ITGA2: variants seen among roughly 807,000 people sequenced by gnomAD.
The protein encoded by ITGA2 is integrin alpha-2.
Under a neutral mutation model 146.3 loss-of-function variants are expected in ITGA2, and 101 were observed. The observed-to-expected ratio is 0.69, with a 90% confidence interval of 0.59 to 0.81. ITGA2 has a LOEUF of 0.81. Ranked by LOEUF, ITGA2 falls within the 40% of genes least tolerant of loss-of-function variation. The pLI is 0.00. For synonymous variants in ITGA2, 477 were observed against 487.1 expected (o/e 0.98, Z 0.27); for missense variants, 1,281 against 1,402.7 (o/e 0.91, Z 1.39).
At position 53,022,331 on chromosome 5, in the gene ITGA2, T is replaced by C. The variant is rs531051690; in HGVS notation, c.65-4417T>C. On this transcript the variant is annotated intron_variant, in intron 1 of 29. Coordinates refer to ENST00000296585, the MANE Select transcript of ITGA2 (RefSeq NM_002203.4). ...TGATCCTCCTGTCTTAGACGGCCAT[T>C]GAGATTACACGTGTGAGCTGCCATG... Among the ~76,000 whole-genome samples the C allele has an allele frequency of 3.3e-5, 5 of 152,014 alleles. 1 individual carries two copies. In the South Asian group the frequency reaches 1.0e-3, roughly 32 times the overall value.
chr5:53,027,927 G>A (rs1541689), intron 2 of ITGA2, among the ~76,000 whole-genome samples: 133,069 of 152,046 alleles, frequency 0.88, 58,639 homozygotes, highest in Admixed American at 0.92. Context: ...TTAAAAACCT[G>A]AAAATCAGCT....
intron 13 of ITGA2, among the ~76,000 whole-genome samples, chr5:53,064,439 A>T (rs904890861): frequency 6.6e-6 from 1 of 152,104 alleles, no homozygotes; most frequent in Non-Finnish European, 1.5e-5. Flanking sequence ...TATAATTCTG[A>T]TCATAAATAG....
intron 20 of ITGA2, among the ~76,000 whole-genome samples, chr5:53,073,504 C>T (rs1242794831): frequency 1.3e-5 from 2 of 151,866 alleles, no homozygotes; most frequent in African/African-American, 2.4e-5. Context: ...CAGACACTCC[C>T]ATAACTCTTC....
chr5:53,062,940 A>T lies in ITGA2; in HGVS notation c.1602+11A>T, dbSNP rs1424997867. 15 of 1,602,324 alleles carry T rather than the reference A, an allele frequency of 9.4e-6. No individual in the cohort carries two copies. The highest frequency in any genetic ancestry group is 2.7e-5 in the African/African-American group (2 of 74,356). On this transcript the variant is annotated intron_variant, in intron 13 of 29. Coordinates refer to ENST00000296585, the MANE Select transcript of ITGA2 (RefSeq NM_002203.4). ...TTTACTATCAAAGAGGTAAAAAAAA[A>T]AAAATAAACTAATAGTTTAATTTGC... is the stretch of plus-strand genomic sequence containing the variant.
intron 4 of ITGA2, among the ~76,000 whole-genome samples, chr5:53,047,622 G>A (rs1272731321): frequency 1.3e-5 from 2 of 152,118 alleles, no homozygotes; most frequent in African/African-American, 2.4e-5. Context: ...TTGCCCTCTC[G>A]ACTCTCTTTT....
intron 1 of ITGA2, among the ~76,000 whole-genome samples, chr5:53,018,048 G>C (rs1268874987): frequency 6.6e-6 from 1 of 152,094 alleles, no homozygotes; most frequent in Non-Finnish European, 1.5e-5. Context: ...AAGCACTCTG[G>C]TTGGGCATCT....
intron 1 of ITGA2, among the ~76,000 whole-genome samples, chr5:53,013,289 G>A (rs970111261): frequency 4.6e-5 from 7 of 151,922 alleles, no homozygotes; most frequent in African/African-American, 1.7e-4. Flanking sequence ...GTGTAAGGAA[G>A]GGGTCCATTA....
intron 2 of ITGA2, among the ~76,000 whole-genome samples, chr5:53,028,154 C>T (rs1193743211): frequency 2.0e-5 from 3 of 152,150 alleles, no homozygotes; most frequent in Non-Finnish European, 4.4e-5. Flanking sequence ...ATTTGATACT[C>T]TAAACAATTG....
At chr5:52,991,587 A>G (rs747787939) in intron 1 of ITGA2, among the ~76,000 whole-genome samples, 8 of 152,208 alleles carry the variant, frequency 5.3e-5, no homozygotes, top group Non-Finnish European at 8.8e-5. Context: ...TGTTATGTAT[A>G]TACAATTGTA....
chr5:53,071,793 C>A, intron 17 of ITGA2, 145 bp from the exon 18 acceptor site: 1 of 699,686 alleles, frequency 1.4e-6, no homozygotes, highest in Non-Finnish European at 2.6e-6. Flanking sequence ...CTTGATTATT[C>A]ACAACAAAGA....
intron 11 of ITGA2, among the ~76,000 whole-genome samples, chr5:53,060,335 T>A (rs1032746676): frequency 1.5e-4 from 23 of 151,944 alleles, no homozygotes; most frequent in African/African-American, 5.6e-4. Flanking sequence ...GAGCTCTTAG[T>A]CTTCTTGTTC....
chr5:53,051,354 G>A lies in ITGA2; in HGVS notation c.631-57G>A. 3 of 1,565,668 alleles carry A rather than the reference G, an allele frequency of 1.9e-6. No individual in the cohort carries two copies. The South Asian group carries it at 3.3e-5, about 17-fold the overall frequency. The stretch of plus-strand genomic sequence containing the variant: ...TTTTGATTTTTATTTTATTGGTTAA[G>A]TAGAAATTATTTTTAATGTAATGAC... On this transcript the variant is annotated intron_variant, in intron 6 of 29. Transcript: ENST00000296585.
intron 1 of ITGA2, among the ~76,000 whole-genome samples, chr5:53,021,600 C>T (rs1742686877): frequency 6.6e-6 from 1 of 152,240 alleles, no homozygotes; most frequent in Non-Finnish European, 1.5e-5. Context: ...TAGTTGCTCA[C>T]TATCCTCTGC....
intron 1 of ITGA2, among the ~76,000 whole-genome samples, chr5:53,014,530 TG>T (rs1742309175): frequency 6.6e-6 from 1 of 152,312 alleles, no homozygotes; most frequent in African/African-American, 2.4e-5. Context: ...TTTGCATCTA[TG>T]TTCATCAGGG....
chr5:53,054,116 T>A (rs1037929772), intron 7 of ITGA2, among the ~76,000 whole-genome samples: 1 of 152,330 alleles, frequency 6.6e-6, no homozygotes, highest in South Asian at 2.1e-4. Context: ...TAAAATGATA[T>A]GCTCAGTTTT....
Position 53,060,017 on chromosome 5 carries a change from G to A in ITGA2, c.1312+5G>A, listed in dbSNP as rs373309715. The A allele has an allele frequency of 6.2e-6, 10 of 1,611,884 alleles. No individual in the cohort carries two copies. The highest frequency in any genetic ancestry group is 8.5e-6 in the Non-Finnish European group (10 of 1,178,700). Reference sequence around the variant, plus strand: ...GAAATCACAGTTCATATTTAGGTAAGGCATGGTAATAATTGGCTCAGCAAA... The same window carrying A: ...GAAATCACAGTTCATATTTAGGTAAAGCATGGTAATAATTGGCTCAGCAAA... On this transcript the variant is annotated splice_donor_5th_base_variant and intron_variant, in intron 11 of 29. Transcript: ENST00000296585.
chr5:53,049,501 AGC>A (rs772558808), intron 6 of ITGA2, among the ~76,000 whole-genome samples: 16,018 of 152,232 alleles, frequency 0.11, 977 homozygotes, highest in African/African-American at 0.16. Flanking sequence ...GCATAGTTCC[AGC>A]ATTTATGATA....
In ITGA2 at chr5:53,082,922, A is replaced by G. The variant is rs142474732; in HGVS notation, c.3145-418A>G. On this transcript the variant is annotated intron_variant, in intron 26 of 29. Coordinates refer to ENST00000296585, the MANE Select transcript of ITGA2 (RefSeq NM_002203.4). ...CCTAGGGAGTCTATAATTAGGTTTA[A>G]TGACAAATTGTAGTACATTTTGTGC... Among the ~76,000 whole-genome samples, 36 of 152,336 alleles carry G rather than the reference A, an allele frequency of 2.4e-4. No individual in the cohort carries two copies. In the East Asian group the frequency reaches 6.2e-3, roughly 26 times the overall value.
intron 27 of ITGA2, 142 bp from the exon 28 acceptor site, chr5:53,086,810 C>A: frequency 1.4e-6 from 1 of 711,134 alleles, no homozygotes; most frequent in Non-Finnish European, 2.5e-6. Context: ...GGTTTAAGCA[C>A]ACACAGATTC....
Sources: allele counts gnomAD v4.1 joint callset (sites outside exome capture counted in the v4.1 genomes callset), GRCh38; gene constraint gnomAD v4.1.1; transcripts MANE v1.5; gene names NCBI Gene and HGNC (gene_info 2026-07-23, HGNC 2026-07-21).